Variants in KIAA0319 observed in about 807,000 individuals in gnomAD.
The protein encoded by KIAA0319 is dyslexia-associated protein KIAA0319.
A neutral mutation model predicts 108.4 loss-of-function variants in KIAA0319; 83 were observed. The observed-to-expected ratio is 0.77, with a 90% CI of 0.64 to 0.92. The LOEUF (loss-of-function observed/expected upper bound fraction) is 0.92. Ranked by LOEUF, KIAA0319 falls within the 40% of genes least tolerant of loss-of-function variation. KIAA0319 has a pLI of 0.00. For missense variants in KIAA0319, 1,195 were observed against 1,322.4 expected (o/e 0.90, Z 1.49); for synonymous variants, 484 against 510.4 (o/e 0.95, Z 0.70).
chr6:24,621,555 C>A (rs2127571057), intron 1 of KIAA0319, among the ~76,000 whole-genome samples: 1 of 152,276 alleles, frequency 6.6e-6, no homozygotes, highest in South Asian at 2.1e-4. Context: ...AGAAAACTTT[C>A]TAGTTCAATA....
chr6:24,582,297 G>A lies in KIAA0319; in HGVS notation c.1143C>T (p.Tyr381=), dbSNP rs1289867805. 2 of 1,612,126 alleles carry A rather than the reference G, an allele frequency of 1.2e-6. No homozygotes were observed. The highest frequency in any genetic ancestry group is 1.7e-6 in the Non-Finnish European group (2 of 1,178,434). ...EWNLISHPTD[Y]QGEIKQGHKQ... ...TGTGTCCTTGTTTTATTTCACCTTG[G>A]TAGTCTGTGGGGTGGCTTATTAAAT... is the stretch of plus-strand genomic sequence containing the variant. Residue 381 remains tyrosine (Y), a synonymous_variant, in exon 6 of 21, where the codon TAC becomes TAT. Coordinates refer to ENST00000378214, the MANE Select transcript of KIAA0319 (RefSeq NM_014809.4).
intron 10 of KIAA0319, among the ~76,000 whole-genome samples, chr6:24,573,126 G>A (rs1764968716): frequency 6.6e-6 from 1 of 151,974 alleles, no homozygotes; most frequent in Non-Finnish European, 1.5e-5. Context: ...AAAATATGTT[G>A]GTCCCCAGGA....
intron 1 of KIAA0319, among the ~76,000 whole-genome samples, chr6:24,642,980 T>C (rs1443319934): frequency 6.6e-6 from 1 of 152,222 alleles, no homozygotes; most frequent in African/African-American, 2.4e-5. Context: ...AGTGCTGGGA[T>C]TATAGGCATG....
chr6:24,632,394 G>T (rs1014364256), intron 1 of KIAA0319, among the ~76,000 whole-genome samples: 5 of 74,348 alleles, frequency 6.7e-5, no homozygotes, highest in African/African-American at 3.4e-4. Flanking sequence ...CCATTCAGAA[G>T]TTAAGTTTCC....
chr6:24,600,913 T>G, intron 2 of KIAA0319, 136 bp downstream of exon 2: 3 of 1,184,762 alleles, frequency 2.5e-6, no homozygotes, highest in Non-Finnish European at 3.7e-6. Flanking sequence ...AGGTCTGCCT[T>G]TCATGCTTTC....
rs1003075261 is a variant in KIAA0319 at position 24,572,563 on chromosome 6, T to A, written c.1858+12A>T. The A allele has an allele frequency of 6.2e-7, 1 of 1,607,790 alleles. No individual in the cohort carries two copies. The highest frequency in any genetic ancestry group is 1.3e-5 in the African/African-American group (1 of 74,508). On this transcript the variant is annotated intron_variant, in intron 11 of 20. Coordinates refer to ENST00000378214, the MANE Select transcript of KIAA0319 (RefSeq NM_014809.4). ...TAATCTCTGAGGCCAAATCTCTTTC[T>A]CCTCCACCTACCAGGCTGGACAATC...
At chr6:24,604,915 A>G (rs1243195800) in intron 1 of KIAA0319, among the ~76,000 whole-genome samples, 1 of 152,142 alleles carries the variant, frequency 6.6e-6, no homozygotes, top group East Asian at 1.9e-4. Context: ...ATCTTGGCTC[A>G]CAGCAACCTC....
At chr6:24,625,677 C>G (rs1464137450) in intron 1 of KIAA0319, among the ~76,000 whole-genome samples, 1 of 152,042 alleles carries the variant, frequency 6.6e-6, no homozygotes, top group Non-Finnish European at 1.5e-5. Context: ...ACAGAAAATC[C>G]TAAGGAGTCC....
intron 16 of KIAA0319, among the ~76,000 whole-genome samples, chr6:24,562,618 T>C (rs943723544): frequency 6.6e-6 from 1 of 152,190 alleles, no homozygotes; most frequent in Non-Finnish European, 1.5e-5. Context: ...AGTGGGCGAA[T>C]CACTTGAGGT....
Position 24,599,097 on chromosome 6 carries a change from G to A in KIAA0319, c.55+1952C>T, listed in dbSNP as rs769035671. 2 of 705,698 alleles carry A rather than the reference G, an allele frequency of 2.8e-6. No homozygotes were observed. The highest frequency in any genetic ancestry group is 5.0e-6 in the Non-Finnish European group (2 of 403,024). The allele number at this position is 705,698 out of a possible 1,614,324, so 43.7% of individuals were successfully genotyped here. On this transcript the variant is annotated intron_variant, in intron 2 of 20. Coordinates refer to ENST00000378214, the MANE Select transcript of KIAA0319 (RefSeq NM_014809.4). The surrounding 1 kb of genome is among the most constrained non-coding windows in gnomAD (Gnocchi z 4.1). ...GGACACATCTGTGGTGCTGTCCATG[G>A]ACAACAGCTGGTCCCTGGACATGGA...
At chr6:24,601,733 A>C (rs910188692) in intron 1 of KIAA0319, among the ~76,000 whole-genome samples, 1 of 152,190 alleles carries the variant, frequency 6.6e-6, no homozygotes, top group Non-Finnish European at 1.5e-5. Context: ...TAAGGAAGCC[A>C]TTAGTTATTA....
At chr6:24,640,511 A>G (rs755976964) in intron 1 of KIAA0319, among the ~76,000 whole-genome samples, 9 of 152,228 alleles carry the variant, frequency 5.9e-5, no homozygotes, top group Admixed American at 1.3e-4. Context: ...GAAAAAAGGT[A>G]GACCAAGAAG....
intron 1 of KIAA0319, among the ~76,000 whole-genome samples, chr6:24,630,702 TAC>T (rs111288172): frequency 0.21 from 20,580 of 98,224 alleles, 1,678 homozygotes; most frequent in Middle Eastern, 0.27. Flanking sequence ...TATATATATA[TAC>T]ACATATACAC....
In KIAA0319 at chr6:24,563,479, A is replaced by G; in HGVS notation, c.2471T>C (p.Val824Ala). ...CTGCTCTGTCAGCTGCCCAACACCAACCTGCAGGGTCAGCTCCACCAGGCC... is the reference window on the plus strand; with the variant it reads ...CTGCTCTGTCAGCTGCCCAACACCAGCCTGCAGGGTCAGCTCCACCAGGCC... ...KSGLVELTLQ[V>A]GVGQLTEQRK... is the part of the protein sequence containing the mutation. The change falls in exon 16 of 21, where the codon GTT becomes GCT. Residue 824 changes from valine (V) to alanine (A), a missense_variant. By Grantham distance (64) the Val-to-Ala change is moderately conservative. Coordinates refer to ENST00000378214, the MANE Select transcript of KIAA0319 (RefSeq NM_014809.4). 6.2e-7 allele frequency: 1 copy of G among 1,613,000 alleles called. No homozygotes were observed. The highest frequency in any genetic ancestry group is 8.5e-7 in the Non-Finnish European group (1 of 1,179,792).
intron 1 of KIAA0319, among the ~76,000 whole-genome samples, chr6:24,622,864 C>A (rs557370992): frequency 1.3e-5 from 2 of 152,168 alleles, no homozygotes; most frequent in East Asian, 1.9e-4. Context: ...GCCAACGAAA[C>A]CCTGTCTCTA....
At chr6:24,596,734 T>C (rs1169080029) in intron 2 of KIAA0319, 116 bp from the exon 3 acceptor site, 4 of 889,894 alleles carry the variant, frequency 4.5e-6, no homozygotes, top group Non-Finnish European at 6.8e-6. Context: ...GGCAAGCAAA[T>C]AAACAATCAG....
chr6:24,590,536 C>T (rs1768310988), intron 3 of KIAA0319, among the ~76,000 whole-genome samples: 1 of 152,148 alleles, frequency 6.6e-6, no homozygotes, highest in Non-Finnish European at 1.5e-5. Flanking sequence ...CAAACCAGGG[C>T]TGCAGAATAG....
At chr6:24,579,068 C>A (rs1765963456) in intron 8 of KIAA0319, among the ~76,000 whole-genome samples, 1 of 152,172 alleles carries the variant, frequency 6.6e-6, no homozygotes, top group African/African-American at 2.4e-5. Flanking sequence ...AACAAGTATT[C>A]TTCTTCCAAC....
intron 1 of KIAA0319, among the ~76,000 whole-genome samples, chr6:24,629,241 C>T (rs756217635): frequency 7.9e-5 from 12 of 152,136 alleles, no homozygotes; most frequent in South Asian, 4.2e-4. Flanking sequence ...GACAGTCCAG[C>T]GTGGTGGCTC....
Sources: gnomAD v4.1 joint callset for allele counts (sites outside exome capture counted in the v4.1 genomes callset) on GRCh38, gnomAD v4.1.1 for gene constraint, Gnocchi (gnomAD v3.1) non-coding constraint, MANE v1.5 for transcripts, NCBI Gene and HGNC (gene_info 2026-07-23, HGNC 2026-07-21) for gene names.